PRTG: variants seen among roughly 807,000 people sequenced by gnomAD.
PRTG encodes the protein protogenin.
Under a neutral mutation model 122.5 loss-of-function variants are expected in PRTG, and 67 were observed. The ratio of observed to expected loss-of-function variants is 0.55; its 90% CI spans 0.45 to 0.67. PRTG has a LOEUF of 0.67. Ranked by LOEUF, PRTG falls within the 30% of genes least tolerant of loss-of-function variation. PRTG has a pLI of 0.00. For synonymous variants in PRTG, 554 were observed against 501.1 expected (o/e 1.11, Z -1.41); for missense variants, 1,435 against 1,415.4 (o/e 1.01, Z -0.22).
rs544637363 is a variant in PRTG at position 55,625,681 on chromosome 15, T to C, written c.2928-1174A>G. 6.5e-4 allele frequency among the ~76,000 whole-genome samples: 95 copies of C among 146,582 alleles called. 1 individual carries two copies. The South Asian group carries it at 0.02, about 31-fold the overall frequency. The stretch of plus-strand genomic sequence containing the variant: ...CTCTGTCGCCCAGGCTGGAGTGCAG[T>C]GGCACGATCTCGGCTCACTGCAAGC... On this transcript the variant is annotated intron_variant, in intron 17 of 19. Transcript: ENST00000389286.
intron 1 of PRTG, chr15:55,742,533 A>C: frequency 3.3e-6 from 1 of 307,230 alleles, no homozygotes; most frequent in Non-Finnish European, 6.0e-6. Flanking sequence ...TGGCGCGAGA[A>C]GGAAGAGACC....
intron 11 of PRTG, among the ~76,000 whole-genome samples, chr15:55,648,574 A>T (rs1011814764): frequency 6.6e-6 from 1 of 152,192 alleles, no homozygotes; most frequent in African/African-American, 2.4e-5. Context: ...TGTACCTGTT[A>T]GGAGAGTGAT....
At chr15:55,687,776 T>G (rs2059578446) in intron 2 of PRTG, among the ~76,000 whole-genome samples, 1 of 152,248 alleles carries the variant, frequency 6.6e-6, no homozygotes, top group Admixed American at 6.5e-5. Context: ...TTTGATATCT[T>G]TTGAAAATTC....
At chr15:55,679,057 T>C (rs191800337) in intron 7 of PRTG, among the ~76,000 whole-genome samples, 1 of 152,272 alleles carries the variant, frequency 6.6e-6, no homozygotes, top group African/African-American at 2.4e-5. Flanking sequence ...AACATGCATT[T>C]TATTACCATC....
chr15:55,629,657 G>A (rs1410701312), intron 15 of PRTG, among the ~76,000 whole-genome samples: 2 of 151,936 alleles, frequency 1.3e-5, no homozygotes, highest in Non-Finnish European at 2.9e-5. Context: ...ACTGTGCCAA[G>A]CTTTCAATGA....
chr15:55,636,093 G>A (rs2059256277), intron 15 of PRTG, among the ~76,000 whole-genome samples: 1 of 151,228 alleles, frequency 6.6e-6, no homozygotes, highest in South Asian at 2.1e-4. Context: ...AGCTACTCAG[G>A]AGGCTGAGAT....
At chr15:55,655,868 G>C (rs2059376809) in intron 11 of PRTG, 1 of 152,120 alleles carries the variant, frequency 6.6e-6, no homozygotes, top group African/African-American at 2.4e-5. Flanking sequence ...ATCTAATTTG[G>C]AGATACTACA....
At chr15:55,705,870 T>TC (rs2030086615) in intron 2 of PRTG, among the ~76,000 whole-genome samples, 1 of 150,214 alleles carries the variant, frequency 6.7e-6, no homozygotes, top group African/African-American at 2.4e-5. Context: ...TTTTTTTTTT[T>TC]TCTGAGAAGG....
At chr15:55,685,306 C>A (rs889366852) in intron 2 of PRTG, among the ~76,000 whole-genome samples, 1 of 152,154 alleles carries the variant, frequency 6.6e-6, no homozygotes, top group African/African-American at 2.4e-5. Flanking sequence ...TTTACAAGCA[C>A]AGGACAAGGC....
At chr15:55,712,471 A>C in intron 2 of PRTG, among the ~76,000 whole-genome samples, 1 of 152,236 alleles carries the variant, frequency 6.6e-6, no homozygotes, top group East Asian at 1.9e-4. Flanking sequence ...TTACTATAGC[A>C]AACTGAAAAG....
Position 55,674,859 on chromosome 15 carries a change from T to G in PRTG, c.1546+660A>C, listed in dbSNP as rs575056367. On this transcript the variant is annotated intron_variant, in intron 9 of 19. Coordinates refer to ENST00000389286, the MANE Select transcript of PRTG (RefSeq NM_173814.6). ...GTACTAAAAAAGGTCTTCTAGAGACTCTGGAAAGACAGATCCCTTCTTTTA... is the reference window on the plus strand; with the variant it reads ...GTACTAAAAAAGGTCTTCTAGAGACGCTGGAAAGACAGATCCCTTCTTTTA... Among the ~76,000 whole-genome samples the G allele has an allele frequency of 5.3e-5, 8 of 152,226 alleles. No individual in the cohort carries two copies. The South Asian group carries it at 1.7e-3, about 32-fold the overall frequency.
intron 2 of PRTG, among the ~76,000 whole-genome samples, chr15:55,713,876 C>T (rs1033666610): frequency 6.6e-6 from 1 of 152,100 alleles, no homozygotes; most frequent in African/African-American, 2.4e-5. Flanking sequence ...TTTACACTGT[C>T]TTTCTGAAAT....
At chr15:55,687,387 T>C (rs970864780) in intron 2 of PRTG, among the ~76,000 whole-genome samples, 2 of 152,218 alleles carry the variant, frequency 1.3e-5, no homozygotes, top group African/African-American at 2.4e-5. Context: ...AATGTGATTA[T>C]TGAGAATAAA....
chr15:55,718,901 C>T (rs560014648), intron 2 of PRTG, among the ~76,000 whole-genome samples: 1 of 149,628 alleles, frequency 6.7e-6, no homozygotes, highest in South Asian at 2.1e-4. Flanking sequence ...CACCGTCATG[C>T]TCGGCTAATT....
intron 11 of PRTG, among the ~76,000 whole-genome samples, chr15:55,654,577 G>A (rs1454774864): frequency 6.6e-6 from 1 of 152,144 alleles, no homozygotes; most frequent in African/African-American, 2.4e-5. Context: ...AAAAACAATT[G>A]TTACACTAAA....
chr15:55,657,584 C>T (rs950376683), intron 11 of PRTG, among the ~76,000 whole-genome samples: 1 of 152,110 alleles, frequency 6.6e-6, no homozygotes, highest in East Asian at 1.9e-4. Flanking sequence ...CAACATACAG[C>T]GTTTTTCTGG....
chr15:55,661,402 A>T (rs10518817), intron 11 of PRTG, among the ~76,000 whole-genome samples: 23,860 of 152,050 alleles, frequency 0.16, 2,780 homozygotes, highest in East Asian at 0.54. Context: ...GAAATAATGG[A>T]ACTTCCTCAT....
In PRTG at chr15:55,739,171, A is replaced by C. The variant is rs371950675; in HGVS notation, c.397+1211T>G. ...TGGCATAAATGGACCATGAACAGTAAAGTCACCTAGGAAATTCCTGCCAAT... is the reference window on the plus strand; with the variant it reads ...TGGCATAAATGGACCATGAACAGTACAGTCACCTAGGAAATTCCTGCCAAT... On this transcript the variant is annotated intron_variant, in intron 2 of 19. Transcript: ENST00000389286. 1.1e-3 allele frequency among the ~76,000 whole-genome samples: 168 copies of C among 152,290 alleles called. 1 individual carries two copies. The highest frequency in any genetic ancestry group is 3.8e-3 in the African/African-American group (159 of 41,560).
chr15:55,623,289 TG>T (rs2059176694), intron 18 of PRTG, among the ~76,000 whole-genome samples: 1 of 152,108 alleles, frequency 6.6e-6, no homozygotes, highest in East Asian at 1.9e-4. Context: ...AAAAAACAGC[TG>T]GGCACGGTGG....
Sources: allele counts gnomAD v4.1 joint callset (sites outside exome capture counted in the v4.1 genomes callset), GRCh38; gene constraint gnomAD v4.1.1; transcripts MANE v1.5; gene names NCBI Gene and HGNC (gene_info 2026-07-23, HGNC 2026-07-21).